DMTN: variants seen among roughly 807,000 people sequenced by gnomAD.
DMTN encodes the protein dematin actin binding protein.
DMTN carries 27 observed loss-of-function variants against 59.4 expected under a neutral mutation model. The ratio of observed to expected loss-of-function variants is 0.45; its 90% CI spans 0.33 to 0.63. The LOEUF is 0.63. Ranked by LOEUF, DMTN falls within the 20% of genes least tolerant of loss-of-function variation. The pLI is 0.02. For synonymous variants in DMTN, 221 were observed against 203.7 expected (o/e 1.08, Z -0.72); for missense variants, 451 against 528.9 (o/e 0.85, Z 1.45).
rs1399186550 is a variant in DMTN at position 22,066,761 on chromosome 8, T to C, written c.-115T>C. On this transcript the variant is annotated 5_prime_UTR_variant, in exon 2 of 16. Transcript: ENST00000358242. ...CGCCAGCCCGGGGGAACGCGCCAGC[T>C]GCTTTCGCGGCCCCAAGCGCGCAGC... 4.1e-6 allele frequency: 5 copies of C among 1,211,202 alleles called. No individual in the cohort carries two copies. Among genetic ancestry groups the C allele is most frequent in the African/African-American group, 3.2e-5 (2 of 62,142 alleles). 75.0% of individuals were successfully genotyped at this position (1,211,202 alleles called of 1,614,324 possible).
Position 22,080,626 on chromosome 8 carries a change from G to T in DMTN, c.957+1G>T. ...CCCCTTCTCTCCCGCAGGCCTGCAG[G>T]TGAGTGCCTCCTGGAGGGGAACAGG... On this transcript the variant is annotated splice_donor_variant, in intron 13 of 15. Coordinates refer to ENST00000358242, the MANE Select transcript of DMTN (RefSeq NM_001387751.1). LOFTEE classifies it high-confidence loss of function. The T allele has an allele frequency of 6.2e-7, 1 of 1,606,238 alleles. No individual in the cohort carries two copies. The highest frequency in any genetic ancestry group is 1.1e-5 in the South Asian group (1 of 90,100).
chr8:22,074,423 G>T (rs529691610), intron 10 of DMTN, among the ~76,000 whole-genome samples: 5 of 152,168 alleles, frequency 3.3e-5, no homozygotes, highest in Non-Finnish European at 5.9e-5. Flanking sequence ...AAAGGTGTGC[G>T]TCACCATGCC....
chr8:22,050,368 G>A (rs1306549266), upstream of DMTN, among the ~76,000 whole-genome samples: 1 of 152,182 alleles, frequency 6.6e-6, no homozygotes, highest in Admixed American at 6.5e-5. Flanking sequence ...TCTGATTTCC[G>A]CAGGAATTTG....
At chr8:22,053,199 T>C, upstream of DMTN, among the ~76,000 whole-genome samples, 1 of 152,138 alleles carries the variant, frequency 6.6e-6, no homozygotes, top group East Asian at 1.9e-4. Flanking sequence ...CAGGAAGTGA[T>C]TGGATCAAAT....
intron 3 of DMTN, 137 bp downstream of exon 3, chr8:22,067,296 A>G: frequency 8.7e-7 from 1 of 1,153,686 alleles, no homozygotes; most frequent in Non-Finnish European, 1.2e-6. Flanking sequence ...GAGAACCCAG[A>G]AACCCAGAGA....
intron 10 of DMTN, among the ~76,000 whole-genome samples, chr8:22,078,327 T>C (rs1306819910): frequency 1.3e-5 from 2 of 151,582 alleles, no homozygotes; most frequent in Non-Finnish European, 2.9e-5. Context: ...ACTGTACCAC[T>C]GCACTCCAGC....
In DMTN at chr8:22,058,003, C is replaced by T. The variant is rs921414827; in HGVS notation, c.-172+867C>T. ...CTCTGTGTATGTTGCTGTACACGTG[C>T]ACTACTCTGGGATGGATGCCAGGGA... On this transcript the variant is annotated intron_variant, in intron 1 of 15. Coordinates refer to ENST00000358242, the MANE Select transcript of DMTN (RefSeq NM_001387751.1). This position sits in a 1 kb window ranked among gnomAD's most constrained non-coding sequence, Gnocchi z 4.3. 2.0e-5 allele frequency: 3 copies of T among 152,336 alleles called. No homozygotes were observed. Among genetic ancestry groups the T allele is most frequent in the African/African-American group, 4.8e-5 (2 of 41,446 alleles). 9.4% of individuals were successfully genotyped at this position (152,336 alleles called of 1,614,324 possible).
At chr8:22,051,886 C>T (rs1004609723), upstream of DMTN, among the ~76,000 whole-genome samples, 4 of 152,224 alleles carry the variant, frequency 2.6e-5, no homozygotes, top group Non-Finnish European at 5.9e-5. Context: ...CCACACTATC[C>T]CGGCCAAACT....
intron 13 of DMTN, 51 bp from the exon 14 acceptor site, chr8:22,080,754 G>A: frequency 6.3e-7 from 1 of 1,594,366 alleles, no homozygotes; most frequent in Non-Finnish European, 8.5e-7. Flanking sequence ...GGGTAAGGCT[G>A]GGAAGGTCTC....
intron 10 of DMTN, among the ~76,000 whole-genome samples, chr8:22,079,265 A>AATTATATATATATATATAT (rs1822184315): frequency 5.1e-5 from 1 of 19,598 alleles, no homozygotes; most frequent in African/African-American, 1.2e-4. Context: ...AAAATAAATA[A>AATTATATATATATATATAT]ATAAATAAAT....
chr8:22,061,519 T>A (rs1174018742), intron 1 of DMTN, among the ~76,000 whole-genome samples: 1 of 152,120 alleles, frequency 6.6e-6, no homozygotes, highest in African/African-American at 2.4e-5. Context: ...CCACTCACCT[T>A]TCACCTCTCT....
chr8:22,063,968 A>G (rs1410089980), intron 1 of DMTN, among the ~76,000 whole-genome samples: 2 of 152,200 alleles, frequency 1.3e-5, no homozygotes, highest in Non-Finnish European at 2.9e-5. Flanking sequence ...TCATTGCAGA[A>G]TAGGTGCTCA....
chr8:22,067,397 A>G, intron 3 of DMTN, 130 bp from the exon 4 acceptor site: 2 of 1,375,780 alleles, frequency 1.5e-6, no homozygotes, highest in Middle Eastern at 1.9e-4. Flanking sequence ...TAATTTCTTA[A>G]AATAATAGAA....
intron 1 of DMTN, among the ~76,000 whole-genome samples, chr8:22,061,414 T>C (rs532954229): frequency 1.3e-5 from 2 of 152,356 alleles, no homozygotes; most frequent in South Asian, 4.1e-4. Flanking sequence ...TTTTGAATCA[T>C]GTTTCTGAGT....
upstream of DMTN, among the ~76,000 whole-genome samples, chr8:22,051,149 C>G (rs1379457531): frequency 6.6e-6 from 1 of 152,142 alleles, no homozygotes; most frequent in Non-Finnish European, 1.5e-5. Flanking sequence ...AGCCCCTTGC[C>G]GTTGGGGAAA....
intron 15 of DMTN, 43 bp downstream of exon 15, chr8:22,081,236 G>T: frequency 2.5e-6 from 4 of 1,610,510 alleles, no homozygotes; most frequent in Non-Finnish European, 3.4e-6. Flanking sequence ...GGCTGTCCAC[G>T]GGCACTCTCC....
At position 22,069,483 on chromosome 8, in the gene DMTN, C is replaced by A; in HGVS notation, c.359C>A (p.Thr120Asn). The change falls in exon 6 of 16, where the codon ACC becomes AAC. Residue 120 changes from threonine to asparagine, a missense_variant. Physicochemically the swap from Thr to Asn is moderately conservative, Grantham distance 65 (BLOSUM62 0). Coordinates refer to ENST00000358242, the MANE Select transcript of DMTN (RefSeq NM_001387751.1). ...SQASAPRTTG[T>N]PRTSLPHFHH... ...GCCTCGGCCCCCAGAACCACTGGAA[C>A]CCCCCGGACCAGCCTGCCCCATTTC... The A allele has an allele frequency of 6.2e-7, 1 of 1,611,274 alleles. No individual in the cohort carries two copies. Among genetic ancestry groups the A allele is most frequent in the Non-Finnish European group, 8.5e-7 (1 of 1,178,558 alleles).
chr8:22,072,053 C>T (rs371722937), intron 8 of DMTN, among the ~76,000 whole-genome samples: 10 of 152,146 alleles, frequency 6.6e-5, no homozygotes, highest in South Asian at 2.1e-4. Flanking sequence ...CCTACCACCC[C>T]GGGCTAATTT....
intron 8 of DMTN, among the ~76,000 whole-genome samples, chr8:22,071,720 C>T (rs1815657533): frequency 6.6e-6 from 1 of 152,074 alleles, no homozygotes; most frequent in Admixed American, 6.5e-5. Flanking sequence ...GCTGGGACTA[C>T]AGGCGCCCGC....
Sources: gnomAD v4.1 joint callset for allele counts (sites outside exome capture counted in the v4.1 genomes callset) on GRCh38, gnomAD v4.1.1 for gene constraint, Gnocchi (gnomAD v3.1) non-coding constraint, MANE v1.5 for transcripts, NCBI Gene and HGNC (gene_info 2026-07-23, HGNC 2026-07-21) for gene names.